The following UTP11 variants were observed in gnomAD, a reference collection of about 807,000 sequenced individuals.
The protein encoded by UTP11 is UTP11 small subunit processome component, also known as probable U3 small nucleolar RNA-associated protein 11.
In UTP11, 29 loss-of-function variants were observed where a neutral mutation model predicts 39.0. That is an observed-to-expected ratio of 0.74 (90% CI 0.55 to 1.01). UTP11 has a LOEUF of 1.01. UTP11 is among the 50% of genes least tolerant of loss of function. The probability of loss-of-function intolerance (pLI) is 0.00; values close to 1 mark genes in which losing one functional copy is unlikely to be tolerated. For synonymous variants in UTP11, 111 were observed against 105.0 expected, an observed-to-expected ratio of 1.06 and a Z score of -0.35; for missense variants, 281 against 306.0, an observed-to-expected ratio of 0.92 and a Z score of 0.61.
intron 1 of UTP11, among the ~76,000 whole-genome samples, chr1:38,013,268 A>C (rs953325871): frequency 2.2e-4 from 34 of 152,240 alleles, no homozygotes; most frequent in Non-Finnish European, 7.3e-5. Context: ...GCCCTGACCG[A>C]AGAGACTGTG....
intron 1 of UTP11, among the ~76,000 whole-genome samples, chr1:38,013,627 A>G (rs1354311191): frequency 6.6e-6 from 1 of 152,212 alleles, no homozygotes; most frequent in African/African-American, 2.4e-5. Context: ...ACAGATGAGG[A>G]AGACAGGGGA....
Position 38,019,075 on chromosome 1 carries a change from A to T in UTP11, c.359A>T (p.Lys120Ile). 1 of 1,613,964 alleles carries T rather than the reference A, an allele frequency of 6.2e-7. No individual in the cohort carries two copies. Among genetic ancestry groups the T allele is most frequent in the Non-Finnish European group, 8.5e-7 (1 of 1,179,994 alleles). The change falls in exon 5 of 8, where the codon AAA becomes ATA. Residue 120 changes from lysine (K) to isoleucine (I), a missense_variant. Physicochemically the swap from Lys to Ile is moderately radical, Grantham distance 102. Coordinates refer to ENST00000373014, the MANE Select transcript of UTP11 (RefSeq NM_016037.4). ...VAEAKKIERL[K>I]SELHLLDFQG... Reference sequence around the variant, plus strand: ...GTGTTCTAGAAAATCGAAAGACTAAAATCAGAGCTCCATCTGCTGGATTTC... The same window carrying T: ...GTGTTCTAGAAAATCGAAAGACTAATATCAGAGCTCCATCTGCTGGATTTC...
In UTP11 at chr1:38,019,369, C is replaced by A. The variant is rs750051179; in HGVS notation, c.553C>A (p.Gln185Lys). Residue 185 changes from glutamine (Q) to lysine (K), a missense_variant, in exon 6 of 8, where the codon CAG becomes AAG. Coordinates refer to ENST00000373014, the MANE Select transcript of UTP11 (RefSeq NM_016037.4). ...AGAAAAAGTGAAAGGAGTTACCAAT[C>A]AGACTGGACTTAAGGTAATTTTCTC... ...QKEKVKGVTNQTGLKRIAKER... is the reference protein window; with the variant it reads ...QKEKVKGVTNKTGLKRIAKER... 6.2e-7 allele frequency: 1 copy of A among 1,611,724 alleles called. No homozygotes were observed. Among genetic ancestry groups the A allele is most frequent in the South Asian group, 1.1e-5 (1 of 90,952 alleles).
intron 1 of UTP11, among the ~76,000 whole-genome samples, chr1:38,015,187 T>C (rs1449617428): frequency 6.6e-6 from 1 of 152,140 alleles, no homozygotes; most frequent in Non-Finnish European, 1.5e-5. Context: ...CATGCCCGGC[T>C]AATTTTTGTA....
rs1157632026 is a variant in UTP11 at position 38,019,482 on chromosome 1, A to C, written c.567+99A>C. 4.1e-5 allele frequency: 46 copies of C among 1,126,328 alleles called. No homozygotes were observed. The Middle Eastern group carries it at 9.6e-4, about 23-fold the overall frequency. The allele number at this position is 1,126,328 out of a possible 1,614,324, so 69.8% of individuals were successfully genotyped here. ...GCTACTGCATTTAAAATAATTTTTAAAATTTATTTTATTTTATTTTTTAGT... is the reference window on the plus strand; with the variant it reads ...GCTACTGCATTTAAAATAATTTTTACAATTTATTTTATTTTATTTTTTAGT... On this transcript the variant is annotated intron_variant, in intron 6 of 7. Transcript: ENST00000373014.
chr1:38,023,356 C>G (rs1246365463), intron 7 of UTP11, among the ~76,000 whole-genome samples, 189 bp from the exon 8 acceptor site: 3 of 152,198 alleles, frequency 2.0e-5, no homozygotes, highest in Non-Finnish European at 4.4e-5. Flanking sequence ...CTGTACACAG[C>G]TAGTACTTTC....
chr1:38,012,810 C>T lies in UTP11; in HGVS notation c.8C>T (p.Ala3Val). 1 of 1,614,186 alleles carries T rather than the reference C, an allele frequency of 6.2e-7. No homozygotes were observed. Among genetic ancestry groups the T allele is most frequent in the Admixed American group, 1.7e-5 (1 of 60,028 alleles). The change falls in exon 1 of 8, where the codon GCG (alanine) becomes GTG (valine). Residue 3 changes from alanine (A) to valine (V), a missense_variant. Ala to Val is a moderately conservative substitution (Grantham distance 64). Transcript: ENST00000373014. The part of the protein sequence containing the change: MA[A>V]AFRKAAKSRQ... Reference sequence around the variant, plus strand: ...TTCCAAGGCTGTACAGACATGGCGGCGGCTTTTCGGAAGGCGGCTAAGTCC... The same window carrying T: ...TTCCAAGGCTGTACAGACATGGCGGTGGCTTTTCGGAAGGCGGCTAAGTCC...
At chr1:38,018,355 G>A in intron 3 of UTP11, 109 bp from the exon 4 acceptor site, 1 of 693,260 alleles carries the variant, frequency 1.4e-6, no homozygotes, top group Non-Finnish European at 2.4e-6. Context: ...ACAGGTGTGA[G>A]TGACCGCACT....
chr1:38,016,758 C>T (rs1262074426), intron 2 of UTP11: 1 of 277,980 alleles, frequency 3.6e-6, no homozygotes, highest in African/African-American at 2.2e-5. Flanking sequence ...AGGATATAAT[C>T]TGAAATTCCA....
Position 38,012,766 on chromosome 1 carries a change from G to C in UTP11, c.-37G>C. The C allele has an allele frequency of 1.2e-6, 2 of 1,613,840 alleles. No homozygotes were observed. The highest frequency in any genetic ancestry group is 1.7e-6 in the Non-Finnish European group (2 of 1,179,732). ...TTGGCGGCAGAGGCAGTGCGGATCC[G>C]GCGTTCTCCACTGATCTTTTCCAAG... On this transcript the variant is annotated 5_prime_UTR_variant, in exon 1 of 8. Coordinates refer to ENST00000373014, the MANE Select transcript of UTP11 (RefSeq NM_016037.4).
In UTP11 at chr1:38,023,552, C is replaced by G; in HGVS notation, c.686C>G (p.Thr229Ser). The G allele has an allele frequency of 6.2e-7, 1 of 1,609,960 alleles. No homozygotes were observed. Among genetic ancestry groups the G allele is most frequent in the Non-Finnish European group, 8.5e-7 (1 of 1,178,500 alleles). ...CTTTTTACTCTTTTGTAGGATAAAACTCAGAAAGTGAAGGTGAAGAAAGAA... is the reference window on the plus strand; with the variant it reads ...CTTTTTACTCTTTTGTAGGATAAAAGTCAGAAAGTGAAGGTGAAGAAAGAA... ...IQTRKDLMDK[T>S]QKVKVKKETV... The change falls in exon 8 of 8, where the codon ACT (threonine) becomes AGT (serine). Residue 229 changes from threonine (T) to serine (S), a missense_variant. Physicochemically the swap from Thr to Ser is moderately conservative, Grantham distance 58. Transcript: ENST00000373014.
At chr1:38,014,846 G>GT (rs1646699354) in intron 1 of UTP11, among the ~76,000 whole-genome samples, 1 of 151,976 alleles carries the variant, frequency 6.6e-6, no homozygotes, top group Non-Finnish European at 1.5e-5. Flanking sequence ...GTCTCACTGT[G>GT]TTGCCCAGGC....
chr1:38,016,440 TAG>T lies in UTP11; in HGVS notation c.125+23_125+24del, dbSNP rs777145420. On this transcript the variant is annotated intron_variant, in intron 2 of 7. Coordinates refer to ENST00000373014, the MANE Select transcript of UTP11 (RefSeq NM_016037.4). ...TGCAGAGTGAGTTCAGTCTTTCTGG[TAG>T]AGGCGCTGCCAAGAAAGCTTACAAC... The T allele has an allele frequency of 6.2e-6, 10 of 1,613,546 alleles. No homozygotes were observed. The highest frequency in any genetic ancestry group is 3.3e-5 in the Admixed American group (2 of 60,000).
chr1:38,020,271 T>A (rs1189137183), intron 6 of UTP11, among the ~76,000 whole-genome samples: 8 of 151,816 alleles, frequency 5.3e-5, no homozygotes, highest in Non-Finnish European at 1.5e-5. Context: ...CTAGCTAATT[T>A]TAAATTTTTT....
intron 6 of UTP11, among the ~76,000 whole-genome samples, chr1:38,021,198 G>A (rs1646735181): frequency 6.6e-6 from 1 of 152,140 alleles, no homozygotes; most frequent in African/African-American, 2.4e-5. Flanking sequence ...AGGGATTACA[G>A]GCGTGAGCTA....
At chr1:38,022,831 C>G (rs770355582) in intron 7 of UTP11, 22 bp downstream of exon 7, 2 of 1,500,204 alleles carry the variant, frequency 1.3e-6, no homozygotes, top group South Asian at 2.5e-5. Flanking sequence ...GAGCCTTAGG[C>G]CTCTTTTTTT....
chr1:38,020,807 CTGTGAAT>C (rs1646732026), intron 6 of UTP11, among the ~76,000 whole-genome samples: 1 of 152,184 alleles, frequency 6.6e-6, no homozygotes, highest in Admixed American at 6.5e-5. Flanking sequence ...GTGCTAGAAT[CTGTGAAT>C]TGTTGAAGTC....
At chr1:38,018,796 C>T (rs1242794909) in intron 4 of UTP11, among the ~76,000 whole-genome samples, 1 of 152,098 alleles carries the variant, frequency 6.6e-6, no homozygotes, top group African/African-American at 2.4e-5. Context: ...AATTACTAGC[C>T]CCATGACAAT....
intron 3 of UTP11, among the ~76,000 whole-genome samples, chr1:38,018,133 C>T (rs1192747349): frequency 1.3e-5 from 2 of 151,700 alleles, no homozygotes; most frequent in Non-Finnish European, 2.9e-5. Context: ...TGCAGTGGTG[C>T]GACCTCGGCT....
Sources: gnomAD v4.1 joint callset for allele counts (sites outside exome capture counted in the v4.1 genomes callset) on GRCh38, gnomAD v4.1.1 for gene constraint, MANE v1.5 for transcripts, NCBI Gene and HGNC (gene_info 2026-07-23, HGNC 2026-07-21) for gene names.